The following KAZN variants were observed in gnomAD, a reference collection of about 807,000 sequenced individuals.
KAZN encodes kazrin.
Under a neutral mutation model 87.4 loss-of-function variants are expected in KAZN, and 40 were observed. The ratio of observed to expected loss-of-function variants is 0.46; its 90% CI spans 0.36 to 0.60. The LOEUF (loss-of-function observed/expected upper bound fraction) is 0.60, where lower values mean the gene tolerates loss of function less well. Among genes scored for constraint, KAZN ranks in the 20% least tolerant of loss-of-function variants. The probability of loss-of-function intolerance (pLI) is 0.00; values close to 1 mark genes in which losing one functional copy is unlikely to be tolerated. For missense variants in KAZN, 898 were observed against 1,073.9 expected (o/e 0.84, Z 2.29); for synonymous variants, 466 against 458.3 (o/e 1.02, Z -0.22).
intron 7 of KAZN, among the ~76,000 whole-genome samples, chr1:15,064,544 A>C (rs973119163): frequency 6.6e-6 from 1 of 152,146 alleles, no homozygotes; most frequent in Non-Finnish European, 1.5e-5. Context: ...GGCAGGGTAG[A>C]CCTTACCACC....
intron 2 of KAZN, among the ~76,000 whole-genome samples, chr1:14,454,233 T>C (rs1571689250): frequency 6.6e-6 from 1 of 152,114 alleles, no homozygotes; most frequent in Admixed American, 6.6e-5. Flanking sequence ...GTTTGGGAGG[T>C]GTTTTTCTCC....
At chr1:14,666,881 G>A (rs768128107) in intron 1 of KAZN, among the ~76,000 whole-genome samples, 2 of 152,060 alleles carry the variant, frequency 1.3e-5, no homozygotes, top group Admixed American at 6.6e-5. Flanking sequence ...GACTACAGGC[G>A]TGCGCCACCA....
intron 2 of KAZN, among the ~76,000 whole-genome samples, chr1:14,363,550 C>T (rs1356013521): frequency 6.6e-6 from 1 of 152,194 alleles, no homozygotes; most frequent in African/African-American, 2.4e-5. Context: ...GTTTTCTCAG[C>T]ACTGTCTTAG....
chr1:15,006,672 T>A (rs1193864549), intron 2 of KAZN, among the ~76,000 whole-genome samples: 3 of 152,048 alleles, frequency 2.0e-5, no homozygotes, highest in African/African-American at 7.2e-5. Context: ...ATAAGTAAAA[T>A]GTATGATCTG....
chr1:14,216,326 G>C lies in KAZN; in HGVS notation c.249+35734G>C, dbSNP rs553777784. ...GGTGAATAAAAAGAGTTAACAGTAAGATCTAAAGGAGTGGAATGGTCTGGG... is the reference window on the plus strand; with the variant it reads ...GGTGAATAAAAAGAGTTAACAGTAACATCTAAAGGAGTGGAATGGTCTGGG... On this transcript the variant is annotated intron_variant, in intron 2 of 16. Transcript: ENST00000636203. Among the ~76,000 whole-genome samples, 37 of 152,268 alleles carry C rather than the reference G, an allele frequency of 2.4e-4. No individual in the cohort carries two copies. In the South Asian group the frequency reaches 7.7e-3, roughly 32 times the overall value.
At chr1:14,424,320 G>A (rs1310001941) in intron 2 of KAZN, among the ~76,000 whole-genome samples, 1 of 152,188 alleles carries the variant, frequency 6.6e-6, no homozygotes, top group Non-Finnish European at 1.5e-5. Flanking sequence ...GCTGAGCTCA[G>A]ATGAGCACAG....
At chr1:14,894,983 G>A (rs1244150046) in intron 1 of KAZN, among the ~76,000 whole-genome samples, 2 of 152,260 alleles carry the variant, frequency 1.3e-5, no homozygotes, top group Non-Finnish European at 2.9e-5. Context: ...ATTTGGCACA[G>A]AAGGCACCAA....
At chr1:14,927,444 C>T (rs1406376846) in intron 1 of KAZN, among the ~76,000 whole-genome samples, 1 of 152,074 alleles carries the variant, frequency 6.6e-6, no homozygotes, top group African/African-American at 2.4e-5. Flanking sequence ...GGTGTAAGTG[C>T]TATGCAGAAA....
chr1:14,208,419 CGTTGACTCGTTCACTT>C (rs1330113630), intron 2 of KAZN, among the ~76,000 whole-genome samples: 2 of 152,144 alleles, frequency 1.3e-5, no homozygotes, highest in African/African-American at 4.8e-5. Context: ...TTCATTCACT[CGTTGACTCGTTCACTT>C]ATTTATTTAC....
chr1:14,772,977 C>A (rs1645061513), intron 1 of KAZN, among the ~76,000 whole-genome samples: 1 of 152,070 alleles, frequency 6.6e-6, no homozygotes, highest in African/African-American at 2.4e-5. Context: ...TGAGTCATCT[C>A]TCTTCCATGG....
intron 2 of KAZN, among the ~76,000 whole-genome samples, chr1:14,451,839 G>A (rs949628341): frequency 1.3e-5 from 2 of 152,174 alleles, no homozygotes; most frequent in African/African-American, 2.4e-5. Flanking sequence ...CCACCTTGAA[G>A]ACAGTCAGGT....
Position 15,096,285 on chromosome 1 carries a change from G to C in KAZN, c.1547+1352G>C, listed in dbSNP as rs1490791946. Among the ~76,000 whole-genome samples the C allele has an allele frequency of 6.6e-6, 1 of 152,216 alleles. No individual in the cohort carries two copies. The highest frequency in any genetic ancestry group is 1.5e-5 in the Non-Finnish European group (1 of 68,040). Reference sequence around the variant, plus strand: ...CTTCAGGAGTCTGGGCTACTGCCTGGGTTCCCCCTAAATGGGGATAAGCTT... The same window carrying C: ...CTTCAGGAGTCTGGGCTACTGCCTGCGTTCCCCCTAAATGGGGATAAGCTT... On this transcript the variant is annotated intron_variant, in intron 10 of 14. Transcript: ENST00000376030. This position sits in a 1 kb window ranked among gnomAD's most constrained non-coding sequence, Gnocchi z 4.5.
chr1:14,816,167 A>G (rs1557519126), intron 1 of KAZN, among the ~76,000 whole-genome samples: 2 of 152,184 alleles, frequency 1.3e-5, no homozygotes, highest in African/African-American at 4.8e-5. Flanking sequence ...TGTCAGGCAC[A>G]TAGTAGCAAT....
intron 1 of KAZN, among the ~76,000 whole-genome samples, chr1:13,955,988 C>A (rs952857514): frequency 6.6e-6 from 1 of 152,198 alleles, no homozygotes; most frequent in Admixed American, 6.5e-5. Flanking sequence ...GTCTGCTCAT[C>A]ATGAGCGCCC....
chr1:14,178,212 C>T (rs887592711), intron 1 of KAZN, among the ~76,000 whole-genome samples: 2 of 152,134 alleles, frequency 1.3e-5, no homozygotes, highest in Non-Finnish European at 1.5e-5. Flanking sequence ...CGGAACTATG[C>T]GTCAATGAAA....
intron 1 of KAZN, among the ~76,000 whole-genome samples, chr1:14,683,011 C>T (rs1640763230): frequency 6.6e-6 from 1 of 152,198 alleles, no homozygotes; most frequent in African/African-American, 2.4e-5. Context: ...TTTATATTTC[C>T]CTTGGCTGTT....
chr1:15,065,194 A>AATTTTGT (rs1639135945), intron 7 of KAZN, among the ~76,000 whole-genome samples: 1 of 151,774 alleles, frequency 6.6e-6, no homozygotes, highest in South Asian at 2.1e-4. Context: ...ACATCCGGCT[A>AATTTTGT]ATTTTGTATT....
chr1:14,468,138 G>T (rs1294483195), intron 2 of KAZN, among the ~76,000 whole-genome samples: 2 of 152,172 alleles, frequency 1.3e-5, no homozygotes, highest in Admixed American at 6.5e-5. Flanking sequence ...ATGGTTTTTG[G>T]GTTGGAGGGA....
At chr1:15,036,755 C>G (rs1226107762) in intron 3 of KAZN, among the ~76,000 whole-genome samples, 3 of 152,188 alleles carry the variant, frequency 2.0e-5, no homozygotes, top group Admixed American at 2.0e-4. Flanking sequence ...GATGCAGGTA[C>G]ACGTGTGTGC....
Sources: gnomAD v4.1 joint callset for allele counts (sites outside exome capture counted in the v4.1 genomes callset) on GRCh38, gnomAD v4.1.1 for gene constraint, Gnocchi (gnomAD v3.1) non-coding constraint, MANE v1.5 for transcripts, NCBI Gene and HGNC (gene_info 2026-07-23, HGNC 2026-07-21) for gene names.